The following CTNNBL1 variants were observed in gnomAD, a reference collection of about 807,000 sequenced individuals.
The protein encoded by CTNNBL1 is beta-catenin-like protein 1.
In CTNNBL1, 31 loss-of-function variants were observed where a neutral mutation model predicts 72.7. The ratio of observed to expected loss-of-function variants is 0.43; its 90% CI spans 0.32 to 0.58. CTNNBL1 has a LOEUF of 0.58. CTNNBL1 is among the 20% of genes least tolerant of loss of function. The pLI is 0.08. For missense variants in CTNNBL1, 534 were observed against 725.1 expected (o/e 0.74, Z 3.03); for synonymous variants, 240 against 267.3 (o/e 0.90, Z 1.00).
chr20:37,715,964 A>G (rs1313840528), intron 1 of CTNNBL1, among the ~76,000 whole-genome samples: 1 of 151,968 alleles, frequency 6.6e-6, no homozygotes, highest in Non-Finnish European at 1.5e-5. Flanking sequence ...AAGCTATAGT[A>G]ATATGTAGTA....
chr20:37,855,869 A>G (rs148954401), intron 13 of CTNNBL1, among the ~76,000 whole-genome samples: 1 of 152,076 alleles, frequency 6.6e-6, no homozygotes, highest in South Asian at 2.1e-4. Flanking sequence ...AAATCTCAGC[A>G]CACACAGCTC....
intron 11 of CTNNBL1, among the ~76,000 whole-genome samples, chr20:37,814,875 T>C (rs759641003): frequency 2.1e-4 from 32 of 152,184 alleles, no homozygotes; most frequent in Non-Finnish European, 4.1e-4. Context: ...TTTTGAATGG[T>C]GGGTCTTTGG....
At chr20:37,741,892 T>C (rs2073219194) in intron 3 of CTNNBL1, among the ~76,000 whole-genome samples, 1 of 152,192 alleles carries the variant, frequency 6.6e-6, no homozygotes, top group South Asian at 2.1e-4. Flanking sequence ...CTTCCTAAAC[T>C]TAAAAGCACT....
At chr20:37,826,020 C>T (rs1421629506) in intron 11 of CTNNBL1, among the ~76,000 whole-genome samples, 1 of 152,196 alleles carries the variant, frequency 6.6e-6, no homozygotes, top group African/African-American at 2.4e-5. Context: ...TCGTGGACCT[C>T]TCCTTCAACC....
At chr20:37,824,715 C>T (rs1047081824) in intron 11 of CTNNBL1, among the ~76,000 whole-genome samples, 16 of 152,184 alleles carry the variant, frequency 1.1e-4, no homozygotes, top group African/African-American at 3.9e-4. Flanking sequence ...TTCTATTCTG[C>T]CATTTTTATC....
intron 10 of CTNNBL1, among the ~76,000 whole-genome samples, chr20:37,797,245 C>T (rs2122725655): frequency 6.6e-6 from 1 of 152,126 alleles, no homozygotes; most frequent in African/African-American, 2.4e-5. Context: ...AAGTGAACTT[C>T]ATCATGCACG....
intron 4 of CTNNBL1, among the ~76,000 whole-genome samples, chr20:37,757,302 G>C (rs2073373574): frequency 6.6e-6 from 1 of 152,206 alleles, no homozygotes; most frequent in Admixed American, 6.5e-5. Context: ...TTAAAATTTT[G>C]AAATCTGTGA....
chr20:37,712,666 T>C (rs975943395), intron 1 of CTNNBL1, among the ~76,000 whole-genome samples: 19 of 152,234 alleles, frequency 1.2e-4, no homozygotes, highest in African/African-American at 4.3e-4. Flanking sequence ...CTGTTCCTAA[T>C]GAAAGGGAAT....
chr20:37,799,925 A>G (rs1461304182), intron 10 of CTNNBL1, among the ~76,000 whole-genome samples: 1 of 152,176 alleles, frequency 6.6e-6, no homozygotes, highest in Non-Finnish European at 1.5e-5. Flanking sequence ...AGTCCTAAGT[A>G]AACCAGGATG....
At chr20:37,836,256 T>C (rs2072252654) in intron 11 of CTNNBL1, among the ~76,000 whole-genome samples, 1 of 152,220 alleles carries the variant, frequency 6.6e-6, no homozygotes, top group South Asian at 2.1e-4. Flanking sequence ...GATCTTGATC[T>C]CTGAAAGGAC....
At chr20:37,769,529 G>T (rs2073504356) in intron 7 of CTNNBL1, among the ~76,000 whole-genome samples, 1 of 152,092 alleles carries the variant, frequency 6.6e-6, no homozygotes, top group Admixed American at 6.5e-5. Flanking sequence ...TATATTCTTT[G>T]TCCATATTTC....
chr20:37,862,555 T>C (rs1046061164), intron 15 of CTNNBL1, among the ~76,000 whole-genome samples: 1 of 152,206 alleles, frequency 6.6e-6, no homozygotes, highest in South Asian at 2.1e-4. Context: ...CCCTAGTGCC[T>C]TTTAAGGTGC....
At chr20:37,726,915 C>T (rs1568753231) in intron 1 of CTNNBL1, among the ~76,000 whole-genome samples, 1 of 152,080 alleles carries the variant, frequency 6.6e-6, no homozygotes. Flanking sequence ...ACCATTATTG[C>T]TCATTATAGA....
At chr20:37,785,154 T>G (rs964651151) in intron 10 of CTNNBL1, among the ~76,000 whole-genome samples, 1 of 152,206 alleles carries the variant, frequency 6.6e-6, no homozygotes, top group Admixed American at 6.5e-5. Context: ...CTCCATTGTA[T>G]ATATTATTTC....
At chr20:37,758,977 C>T (rs982945544) in intron 5 of CTNNBL1, among the ~76,000 whole-genome samples, 4 of 152,088 alleles carry the variant, frequency 2.6e-5, no homozygotes, top group Non-Finnish European at 4.4e-5. Flanking sequence ...TCCCATGTGC[C>T]GTGCTTGCTG....
At chr20:37,853,366 T>G (rs1252473373) in intron 13 of CTNNBL1, among the ~76,000 whole-genome samples, 2 of 152,222 alleles carry the variant, frequency 1.3e-5, no homozygotes, top group Non-Finnish European at 2.9e-5. Flanking sequence ...AGGGAAGATA[T>G]AAGGCAGGGA....
At position 37,791,550 on chromosome 20, in the gene CTNNBL1, G is replaced by A. The variant is rs139785573; in HGVS notation, c.1032-11317G>A. ...ATCTTTTGTCCATTTTGGGGGTAAGGGGTTATTTGTCTTATTGAATTTTAA... is the reference window on the plus strand; with the variant it reads ...ATCTTTTGTCCATTTTGGGGGTAAGAGGTTATTTGTCTTATTGAATTTTAA... On this transcript the variant is annotated intron_variant, in intron 10 of 15. Transcript: ENST00000361383. 9.2e-5 allele frequency among the ~76,000 whole-genome samples: 14 copies of A among 152,192 alleles called. No individual in the cohort carries two copies. In the East Asian group the frequency reaches 1.7e-3, roughly 19 times the overall value.
intron 13 of CTNNBL1, among the ~76,000 whole-genome samples, chr20:37,859,631 T>C (rs1449832579): frequency 6.6e-6 from 1 of 151,510 alleles, no homozygotes; most frequent in Admixed American, 6.6e-5. Flanking sequence ...GCTTTTTTTA[T>C]ATGTGGATGA....
At chr20:37,727,326 A>G in intron 1 of CTNNBL1, 2 of 984,944 alleles carry the variant, frequency 2.0e-6, no homozygotes, top group Non-Finnish European at 2.4e-6. Flanking sequence ...ACACGCACAC[A>G]CACAGGCAAT....
Sources: gnomAD v4.1 joint callset for allele counts (sites outside exome capture counted in the v4.1 genomes callset) on GRCh38, gnomAD v4.1.1 for gene constraint, MANE v1.5 for transcripts, NCBI Gene and HGNC (gene_info 2026-07-23, HGNC 2026-07-21) for gene names.